The following PDE10A variants were observed in gnomAD, a reference collection of about 807,000 sequenced individuals.
The protein encoded by PDE10A is cAMP and cAMP-inhibited cGMP 3',5'-cyclic phosphodiesterase 10A.
In PDE10A, 39 loss-of-function variants were observed where a neutral mutation model predicts 97.7. That is an observed-to-expected ratio of 0.40 (90% confidence interval 0.31 to 0.52). The LOEUF (loss-of-function observed/expected upper bound fraction) is 0.52, where lower values mean the gene tolerates loss of function less well. Ranked by LOEUF, PDE10A falls within the 20% of genes least tolerant of loss-of-function variation. The pLI is 0.56. For missense variants in PDE10A, 731 were observed against 1,047.8 expected, an observed-to-expected ratio of 0.70 and a Z score of 4.17; for synonymous variants, 371 against 376.8, an observed-to-expected ratio of 0.98 and a Z score of 0.18.
At chr6:165,851,256 T>C (rs1378077782) in intron 1 of PDE10A, among the ~76,000 whole-genome samples, 2 of 152,200 alleles carry the variant, frequency 1.3e-5, no homozygotes, top group African/African-American at 2.4e-5. Context: ...CATCACAATA[T>C]AGAGAAAAGC....
At position 165,663,020 on chromosome 6, in the gene PDE10A, G is replaced by T. The variant is rs1237179051; in HGVS notation, c.-209C>A. On this transcript the variant is annotated 5_prime_UTR_variant, in exon 1 of 22. Transcript: ENST00000539869. ...GTTGCGGGAGGACCCGGGCCTGGGG[G>T]CCAGGCCCCGGCGACGGCGCCTGGC... Among the ~76,000 whole-genome samples, 14 of 151,354 alleles carry T rather than the reference G, an allele frequency of 9.2e-5. No individual in the cohort carries two copies. The highest frequency in any genetic ancestry group is 3.9e-4 in the Admixed American group (6 of 15,218).
intron 1 of PDE10A, among the ~76,000 whole-genome samples, chr6:165,647,098 A>G (rs1052005080): frequency 1.2e-4 from 18 of 152,240 alleles, no homozygotes; most frequent in Non-Finnish European, 1.5e-4. Flanking sequence ...AGTAAATTAA[A>G]TTACAAAAGA....
intron 1 of PDE10A, among the ~76,000 whole-genome samples, chr6:165,548,260 T>C (rs968073957): frequency 1.3e-5 from 2 of 149,150 alleles, no homozygotes; most frequent in Non-Finnish European, 3.0e-5. Context: ...ATCAAAAATA[T>C]CCAGGCTTTA....
intron 17 of PDE10A, among the ~76,000 whole-genome samples, chr6:165,381,576 T>C (rs1329178846): frequency 2.0e-5 from 3 of 151,718 alleles, no homozygotes; most frequent in Non-Finnish European, 4.4e-5. Flanking sequence ...GCGATTCTCC[T>C]GCCTCAGCCT....
At chr6:165,769,745 T>C (rs1777954600) in intron 1 of PDE10A, among the ~76,000 whole-genome samples, 1 of 152,190 alleles carries the variant, frequency 6.6e-6, no homozygotes, top group Middle Eastern at 3.2e-3. Flanking sequence ...CCAAAGTTAT[T>C]AGGCATTTTA....
intron 1 of PDE10A, among the ~76,000 whole-genome samples, chr6:165,618,963 ACTAGTGTAGTGTAGT>A (rs1335918631): frequency 0.011 from 687 of 60,456 alleles, 8 homozygotes; most frequent in East Asian, 0.066. Flanking sequence ...TGCAGTGTAG[ACTAGTGTAGTGTAGT>A]CTAGTGTAGT....
At chr6:165,386,100 G>C (rs1017399855) in intron 17 of PDE10A, among the ~76,000 whole-genome samples, 10 of 152,108 alleles carry the variant, frequency 6.6e-5, no homozygotes, top group African/African-American at 2.2e-4. Flanking sequence ...CCTGTTACTA[G>C]TTCTGATCTG....
intron 1 of PDE10A, among the ~76,000 whole-genome samples, chr6:165,591,169 T>C (rs1399262204): frequency 6.6e-6 from 1 of 152,170 alleles, no homozygotes; most frequent in Admixed American, 6.5e-5. Flanking sequence ...TGTAATTCAT[T>C]GTAAATTTGG....
At chr6:165,702,633 G>C (rs943391172) in intron 1 of PDE10A, among the ~76,000 whole-genome samples, 9 of 152,332 alleles carry the variant, frequency 5.9e-5, no homozygotes, top group African/African-American at 2.2e-4. Flanking sequence ...ACCTGTGAAT[G>C]TACTAAACTG....
intron 1 of PDE10A, among the ~76,000 whole-genome samples, chr6:165,828,448 G>T (rs965965644): frequency 2.0e-5 from 3 of 152,196 alleles, no homozygotes; most frequent in South Asian, 4.1e-4. Flanking sequence ...TGCAGGTAAT[G>T]ACATAGACAT....
chr6:165,805,206 C>G (rs866598017), intron 1 of PDE10A, among the ~76,000 whole-genome samples: 1 of 151,990 alleles, frequency 6.6e-6, no homozygotes, highest in South Asian at 2.1e-4. Flanking sequence ...GGAGAGGCCT[C>G]GGGTCGCAGG....
At chr6:165,765,409 T>A (rs1291124400) in intron 1 of PDE10A, among the ~76,000 whole-genome samples, 1 of 152,250 alleles carries the variant, frequency 6.6e-6, no homozygotes, top group South Asian at 2.1e-4. Context: ...CATGGCGGGC[T>A]GCAGTCCCGA....
At chr6:165,712,402 T>C (rs973430862) in intron 1 of PDE10A, among the ~76,000 whole-genome samples, 11 of 152,134 alleles carry the variant, frequency 7.2e-5, no homozygotes, top group Admixed American at 5.2e-4. Flanking sequence ...GAGACTTCCT[T>C]CAACTATAAG....
At chr6:165,450,024 A>G (rs1791171743) in intron 4 of PDE10A, among the ~76,000 whole-genome samples, 1 of 152,234 alleles carries the variant, frequency 6.6e-6, no homozygotes, top group Admixed American at 6.5e-5. Context: ...ACCTGTATAT[A>G]TCAGGCAGAT....
intron 1 of PDE10A, among the ~76,000 whole-genome samples, chr6:165,740,309 GGAGAGAAAGAGAGAGAGAGA>G (rs1391512601): frequency 7.8e-6 from 1 of 127,804 alleles, no homozygotes; most frequent in African/African-American, 3.2e-5. Flanking sequence ...ATATATATAT[GGAGAGAAAGAGAGAGAGAGA>G]GAGAGAGAGA....
At chr6:165,436,229 T>C (rs73788386) in intron 5 of PDE10A, among the ~76,000 whole-genome samples, 3,897 of 152,284 alleles carry the variant, frequency 0.026, 176 homozygotes, top group African/African-American at 0.086. Flanking sequence ...TAACAAAGAA[T>C]GAAGACTACT....
At chr6:165,794,459 C>T (rs1778770098) in intron 1 of PDE10A, among the ~76,000 whole-genome samples, 1 of 151,814 alleles carries the variant, frequency 6.6e-6, no homozygotes, top group Non-Finnish European at 1.5e-5. Flanking sequence ...CACTCACATG[C>T]CCATGCATGC....
intron 3 of PDE10A, among the ~76,000 whole-genome samples, chr6:165,454,755 C>G (rs1777848536): frequency 6.6e-6 from 1 of 152,112 alleles, no homozygotes; most frequent in African/African-American, 2.4e-5. Flanking sequence ...TCCGGTATAG[C>G]AACACAAAAC....
At chr6:165,652,409 A>C (rs986432535) in intron 1 of PDE10A, among the ~76,000 whole-genome samples, 13 of 149,658 alleles carry the variant, frequency 8.7e-5, no homozygotes, top group Non-Finnish European at 1.6e-4. Flanking sequence ...CTGATCTAGA[A>C]CTCCCGGGCT....
Sources: gnomAD v4.1 joint callset for allele counts (sites outside exome capture counted in the v4.1 genomes callset) on GRCh38, gnomAD v4.1.1 for gene constraint, MANE v1.5 for transcripts, NCBI Gene and HGNC (gene_info 2026-07-23, HGNC 2026-07-21) for gene names.